LRRK1: variants seen among roughly 807,000 people sequenced by gnomAD.
LRRK1 encodes the protein leucine rich repeat kinase 1.
A neutral mutation model predicts 209.1 loss-of-function variants in LRRK1; 113 were observed. The observed-to-expected ratio is 0.54, with a 90% CI of 0.46 to 0.63. LRRK1 has a LOEUF of 0.63. LRRK1 is among the 30% of genes least tolerant of loss of function. The pLI is 0.00. For synonymous variants in LRRK1, 1,144 were observed against 1,099.7 expected (o/e 1.04, Z -0.80); for missense variants, 2,284 against 2,632.2 (o/e 0.87, Z 2.89).
intron 9 of LRRK1, 131 bp downstream of exon 9, chr15:101,010,968 A>G: frequency 1.3e-6 from 1 of 743,930 alleles, no homozygotes; most frequent in South Asian, 1.9e-5. Context: ...CCCGGTTCCC[A>G]CATTGTAAGC....
intron 6 of LRRK1, among the ~76,000 whole-genome samples, chr15:100,999,624 A>G (rs927572630): frequency 3.9e-5 from 6 of 152,258 alleles, no homozygotes; most frequent in Non-Finnish European, 7.3e-5. Context: ...TTAAGGAACC[A>G]CTTACATAAC....
chr15:100,922,057 G>A (rs538438065), intron 1 of LRRK1, among the ~76,000 whole-genome samples: 1 of 152,302 alleles, frequency 6.6e-6, no homozygotes, highest in South Asian at 2.1e-4. Context: ...ATTCATTAAT[G>A]CAGGTATAAA....
rs776627279 is a variant in LRRK1, at chr15:101,051,733, C to T, written c.3462C>T (p.Asp1154=). Residue 1154 remains aspartate, a synonymous_variant, in exon 24 of 34, where the codon GAC becomes GAT. Transcript: ENST00000388948. ...WFPALTATES[D]GTPLMEQYVP... ...TAGCCCTGACAGCCACAGAGAGCGA[C>T]GGGACGCCACTCATGGAGCAGTACG... is the stretch of plus-strand genomic sequence containing the variant. The T allele has an allele frequency of 4.6e-5, 75 of 1,613,748 alleles. No homozygotes were observed. Among genetic ancestry groups the T allele is most frequent in the Non-Finnish European group, 5.3e-5 (63 of 1,180,012 alleles).
chr15:100,954,028 GCCTCAGCCTC>G (rs2042706860), intron 2 of LRRK1, among the ~76,000 whole-genome samples: 2 of 152,080 alleles, frequency 1.3e-5, no homozygotes, highest in Non-Finnish European at 2.9e-5. Flanking sequence ...CAATTCTTCT[GCCTCAGCCTC>G]ACCAGTACCT....
chr15:101,041,146 C>T (rs1349326592), intron 20 of LRRK1, among the ~76,000 whole-genome samples: 4 of 152,114 alleles, frequency 2.6e-5, no homozygotes. Context: ...TACAATGTTT[C>T]TCTTTATCAC....
intron 20 of LRRK1, among the ~76,000 whole-genome samples, chr15:101,042,068 TAAAC>T (rs1413589810): frequency 2.0e-5 from 3 of 152,246 alleles, no homozygotes; most frequent in African/African-American, 7.2e-5. Flanking sequence ...TTTGAATAAT[TAAAC>T]AATCAATAGT....
intron 2 of LRRK1, among the ~76,000 whole-genome samples, chr15:100,972,363 A>AGAGAGAGAGTGTGTGTGTGT (rs1176201849): frequency 7.1e-5 from 7 of 98,476 alleles, no homozygotes; most frequent in Non-Finnish European, 1.3e-4. Context: ...AGAGAGAGAG[A>AGAGAGAGAGTGTGTGTGTGT]GTGTGTGTGT....
intron 23 of LRRK1, 63 bp downstream of exon 23, chr15:101,049,846 G>T: frequency 1.3e-6 from 2 of 1,542,630 alleles, no homozygotes; most frequent in Non-Finnish European, 1.8e-6. Context: ...ATCAGGGTGG[G>T]GCTGCTGCTT....
In LRRK1 at chr15:101,065,412, C is replaced by T. The variant is rs1015630432; in HGVS notation, c.4975C>T (p.Arg1659Trp). ...GCTTGTGGCTGTGTTTCCCGTGGTG[C>T]GGGGCACCCCAAAGGACAGCTGCTC... is the stretch of plus-strand genomic sequence containing the variant. ...DGLVAVFPVVRGTPKDSCSYL... is the reference protein window; with the variant it reads ...DGLVAVFPVVWGTPKDSCSYL... Residue 1659 changes from arginine (R) to tryptophan (W), a missense_variant, in exon 32 of 34, where the codon CGG becomes TGG. By Grantham distance (101) the Arg-to-Trp change is moderately radical. This residue lies in a region of LRRK1 where 643 missense variants were observed against 695.9 expected (regional missense o/e 0.92). Coordinates refer to ENST00000388948, the MANE Select transcript of LRRK1 (RefSeq NM_024652.6). The T allele has an allele frequency of 7.4e-6, 12 of 1,613,942 alleles. No individual in the cohort carries two copies. Among genetic ancestry groups the T allele is most frequent in the African/African-American group, 6.7e-5 (5 of 74,930 alleles).
In LRRK1 at chr15:100,934,759, C is replaced by T. The variant is rs143214411; in HGVS notation, c.97+10030C>T. 6.2e-4 allele frequency among the ~76,000 whole-genome samples: 85 copies of T among 137,800 alleles called. 2 individuals are homozygous for T. In the East Asian group the frequency reaches 0.014, roughly 23 times the overall value. The allele number at this position is 137,800 out of a possible 152,430, so 90.4% of individuals were successfully genotyped here. ...CAGAGACTGCAGTGAGCAGAGATCA[C>T]ACCACTGCATTTCAGCCTGGGTGAC... On this transcript the variant is annotated intron_variant, in intron 2 of 33. Transcript: ENST00000388948.
intron 2 of LRRK1, among the ~76,000 whole-genome samples, chr15:100,973,536 G>A (rs2031077979): frequency 6.6e-6 from 1 of 152,150 alleles, no homozygotes; most frequent in Admixed American, 6.5e-5. Context: ...CGCTGTCCCC[G>A]GTGCCCTGGA....
intron 20 of LRRK1, among the ~76,000 whole-genome samples, chr15:101,032,155 T>C (rs901990286): frequency 6.6e-6 from 1 of 152,254 alleles, no homozygotes; most frequent in African/African-American, 2.4e-5. Flanking sequence ...CTAGCACCTT[T>C]CGTGAGCTTA....
chr15:100,988,670 T>C lies in LRRK1; in HGVS notation c.470T>C (p.Leu157Pro). ...CCCCAGCGGCTTCTGAACTGGATGC[T>C]GGCCTTGGCTTGCCAGCGAGGGCAC... ...CSPQRLLNWM[L>P]ALACQRGHLG... The change falls in exon 5 of 34, where the codon CTG (leucine) becomes CCG (proline). Residue 157 changes from leucine (L) to proline (P), a missense_variant. Physicochemically the swap from Leu to Pro is moderately conservative, Grantham distance 98. Coordinates refer to ENST00000388948, the MANE Select transcript of LRRK1 (RefSeq NM_024652.6). The C allele has an allele frequency of 6.2e-7, 1 of 1,614,240 alleles. No individual in the cohort carries two copies. The highest frequency in any genetic ancestry group is 8.5e-7 in the Non-Finnish European group (1 of 1,180,050).
chr15:100,943,349 A>C (rs1247074430), intron 2 of LRRK1, among the ~76,000 whole-genome samples: 2 of 152,234 alleles, frequency 1.3e-5, no homozygotes, highest in Non-Finnish European at 2.9e-5. Flanking sequence ...CTGTAAGCAG[A>C]GCTAATACTA....
chr15:100,982,696 T>C (rs1306974105), intron 3 of LRRK1, among the ~76,000 whole-genome samples: 1 of 152,226 alleles, frequency 6.6e-6, no homozygotes, highest in East Asian at 1.9e-4. Flanking sequence ...ACATTCCATT[T>C]ATGAATACAT....
In LRRK1 at chr15:101,026,147, C is replaced by T; in HGVS notation, c.2405+10C>T. The T allele has an allele frequency of 6.2e-7, 1 of 1,613,228 alleles. No individual in the cohort carries two copies. Among genetic ancestry groups the T allele is most frequent in the Non-Finnish European group, 8.5e-7 (1 of 1,179,234 alleles). ...CCTTCAAACACTTACAGTGAGTGCCCAGCCTCGGGCAGCTCCTGCCTTCTT... is the reference window on the plus strand; with the variant it reads ...CCTTCAAACACTTACAGTGAGTGCCTAGCCTCGGGCAGCTCCTGCCTTCTT... On this transcript the variant is annotated intron_variant, in intron 17 of 33. Coordinates refer to ENST00000388948, the MANE Select transcript of LRRK1 (RefSeq NM_024652.6).
chr15:101,047,513 G>A (rs541476412), intron 21 of LRRK1, among the ~76,000 whole-genome samples: 66 of 152,358 alleles, frequency 4.3e-4, no homozygotes, highest in African/African-American at 1.5e-3. Context: ...GCGCCCTTCC[G>A]GGCAGCAGCT....
intron 2 of LRRK1, among the ~76,000 whole-genome samples, chr15:100,951,439 A>G (rs1489247996): frequency 6.6e-6 from 1 of 152,188 alleles, no homozygotes; most frequent in Non-Finnish European, 1.5e-5. Flanking sequence ...TCCACTCCTG[A>G]GTATATACAC....
chr15:100,997,727 C>G (rs2032485179), intron 6 of LRRK1, among the ~76,000 whole-genome samples: 1 of 152,188 alleles, frequency 6.6e-6, no homozygotes, highest in African/African-American at 2.4e-5. Flanking sequence ...CATCATGTGG[C>G]AAAAGCTATA....
Sources: gnomAD v4.1 joint callset for allele counts (sites outside exome capture counted in the v4.1 genomes callset) on GRCh38, gnomAD v4.1.1 for gene constraint, gnomAD v4.1.1 regional missense constraint, MANE v1.5 for transcripts, NCBI Gene and HGNC (gene_info 2026-07-23, HGNC 2026-07-21) for gene names.